Variants in RNF150 observed in about 807,000 individuals in gnomAD.
The protein encoded by RNF150 is ring finger protein 150.
In RNF150, 24 loss-of-function variants were observed where a neutral mutation model predicts 39.3. That is an observed-to-expected ratio of 0.61 (90% confidence interval 0.44 to 0.86). The LOEUF (loss-of-function observed/expected upper bound fraction) is 0.86, where lower values mean the gene tolerates loss of function less well. Ranked by LOEUF, RNF150 falls within the 40% of genes least tolerant of loss-of-function variation. The probability of loss-of-function intolerance (pLI) is 0.00; values close to 1 mark genes in which losing one functional copy is unlikely to be tolerated. For synonymous variants in RNF150, 255 were observed against 227.3 expected, an observed-to-expected ratio of 1.12 and a Z score of -1.10; for missense variants, 502 against 587.8, an observed-to-expected ratio of 0.85 and a Z score of 1.51.
intron 1 of RNF150, among the ~76,000 whole-genome samples, chr4:141,130,433 G>T (rs1578756431): frequency 6.6e-6 from 1 of 151,670 alleles, no homozygotes; most frequent in African/African-American, 2.4e-5. Flanking sequence ...TTCCTTTAAC[G>T]TTCAAACTAC....
chr4:140,928,441 A>G (rs1366464432), intron 4 of RNF150, among the ~76,000 whole-genome samples: 1 of 152,106 alleles, frequency 6.6e-6, no homozygotes, highest in Non-Finnish European at 1.5e-5. Flanking sequence ...GGGAGCAAGG[A>G]GAAGGGGGTG....
intron 6 of RNF150, among the ~76,000 whole-genome samples, chr4:140,873,548 G>A (rs1344541740): frequency 6.6e-6 from 1 of 152,166 alleles, no homozygotes; most frequent in South Asian, 2.1e-4. Flanking sequence ...AAGGAAAAGA[G>A]AGACTATAGT....
chr4:141,121,019 G>C (rs1201489866), intron 1 of RNF150, among the ~76,000 whole-genome samples: 1 of 152,158 alleles, frequency 6.6e-6, no homozygotes, highest in Non-Finnish European at 1.5e-5. Flanking sequence ...ATGGTGATAA[G>C]ATGCGATCAG....
intron 1 of RNF150, among the ~76,000 whole-genome samples, chr4:140,969,136 A>G (rs942172082): frequency 6.6e-6 from 1 of 152,232 alleles, no homozygotes; most frequent in African/African-American, 2.4e-5. Flanking sequence ...AGGCTGTTGC[A>G]AGTTTCTTAG....
intron 6 of RNF150, among the ~76,000 whole-genome samples, chr4:140,906,335 CAAATAA>C: frequency 6.6e-6 from 1 of 151,892 alleles, no homozygotes; most frequent in East Asian, 1.9e-4. Flanking sequence ...CAAAAATATA[CAAATAA>C]AAATAATATA....
At chr4:141,157,001 T>G (rs1313272231) in intron 1 of RNF150, among the ~76,000 whole-genome samples, 1 of 152,138 alleles carries the variant, frequency 6.6e-6, no homozygotes, top group Non-Finnish European at 1.5e-5. Context: ...GTGGTGAATA[T>G]GTAAGGATGC....
At chr4:141,148,832 CCTTT>C (rs1203265061) in intron 1 of RNF150, among the ~76,000 whole-genome samples, 1 of 152,158 alleles carries the variant, frequency 6.6e-6, no homozygotes, top group Non-Finnish European at 1.5e-5. Flanking sequence ...TTTTTGGTCT[CCTTT>C]CTTCTTCTAT....
At position 141,154,389 on chromosome 4, in the gene RNF150, C is replaced by T. The variant is rs890695389; in HGVS notation, c.-6+58405G>A. 3.3e-5 allele frequency among the ~76,000 whole-genome samples: 5 copies of T among 152,176 alleles called. No homozygotes were observed. In the East Asian group the frequency reaches 5.8e-4, roughly 18 times the overall value. On this transcript the variant is annotated intron_variant, in intron 1 of 7. Coordinates refer to the RNF150 transcript ENST00000420921. ...AAGAGGTCATTCTGTCCTTCCTTAG[C>T]GTGCCTGTGTGGCACAATGCTATTA...
chr4:140,926,117 G>T, intron 4 of RNF150, 44 bp from the exon 5 acceptor site: 1 of 1,400,712 alleles, frequency 7.1e-7, no homozygotes, highest in Non-Finnish European at 1.0e-6. Context: ...TAACTGCAGA[G>T]AATACCTGGT....
chr4:140,863,027 G>T lies in RNF150; in HGVS notation c.*5234C>A, dbSNP rs1056598106. On this transcript the variant is annotated 3_prime_UTR_variant, in exon 7 of 7. Coordinates refer to ENST00000515673, the MANE Select transcript of RNF150 (RefSeq NM_020724.2). ...TCGGTGGCCAAGAGCACTGCATGAA[G>T]AACCATGCATCCCCATCTTAAGAGG... 7 of 149,976 alleles carry T rather than the reference G, an allele frequency of 4.7e-5. No individual in the cohort carries two copies. The highest frequency in any genetic ancestry group is 1.7e-4 in the African/African-American group (7 of 40,690). 9.3% of individuals were successfully genotyped at this position (149,976 alleles called of 1,614,324 possible).
chr4:141,124,762 T>A (rs1188295517), intron 1 of RNF150, among the ~76,000 whole-genome samples: 1 of 152,186 alleles, frequency 6.6e-6, no homozygotes, highest in South Asian at 2.1e-4. Context: ...CAGACAGAAA[T>A]GGTTAAGAAA....
intron 6 of RNF150, among the ~76,000 whole-genome samples, chr4:140,892,841 G>A (rs9683834): frequency 0.026 from 3,918 of 152,154 alleles, 183 homozygotes; most frequent in African/African-American, 0.09. Flanking sequence ...CAGGAGGATC[G>A]CTTGAGGCCA....
chr4:140,975,525 C>A (rs867248772), intron 1 of RNF150, among the ~76,000 whole-genome samples: 1 of 152,074 alleles, frequency 6.6e-6, no homozygotes, highest in African/African-American at 2.4e-5. Context: ...ATAGAATCTT[C>A]CCTTAATATT....
intron 1 of RNF150, among the ~76,000 whole-genome samples, chr4:140,972,438 A>C (rs559767251): frequency 1.3e-5 from 2 of 152,320 alleles, no homozygotes; most frequent in African/African-American, 4.8e-5. Flanking sequence ...AATATTAGAA[A>C]ATATATTAGT....
chr4:140,971,731 G>A (rs1442311508), intron 1 of RNF150, among the ~76,000 whole-genome samples: 1 of 152,056 alleles, frequency 6.6e-6, no homozygotes, highest in Admixed American at 6.6e-5. Context: ...AGATTAATAA[G>A]GAATCAAAAC....
Position 140,911,359 on chromosome 4 carries a change from T to C in RNF150, c.988-5A>G. On this transcript the variant is annotated splice_region_variant and splice_polypyrimidine_tract_variant and intron_variant, in intron 5 of 6. Transcript: ENST00000515673. ...GTCCATGCAGTCGGCATTGGGCTGA[T>C]GGGGCAGAAAAAGATCTGTTCTCAG... 6.2e-7 allele frequency: 1 copy of C among 1,613,668 alleles called. No individual in the cohort carries two copies. Among genetic ancestry groups the C allele is most frequent in the South Asian group, 1.1e-5 (1 of 91,028 alleles).
At chr4:140,980,235 G>A (rs187163720) in intron 1 of RNF150, among the ~76,000 whole-genome samples, 1 of 151,892 alleles carries the variant, frequency 6.6e-6, no homozygotes, top group South Asian at 2.1e-4. Flanking sequence ...GGAAGATGGG[G>A]TTTCACTATG....
chr4:141,102,430 T>C (rs753041301), intron 1 of RNF150, among the ~76,000 whole-genome samples: 42 of 152,164 alleles, frequency 2.8e-4, no homozygotes, highest in Admixed American at 7.2e-4. Flanking sequence ...TCAGCACAAA[T>C]ACTCAAGAAG....
chr4:141,202,982 GATTT>G (rs1357285889), intron 1 of RNF150, among the ~76,000 whole-genome samples: 2 of 150,762 alleles, frequency 1.3e-5, no homozygotes, highest in Non-Finnish European at 3.0e-5. Flanking sequence ...AATGCTGAAA[GATTT>G]ATTTTCAATT....
Sources: gnomAD v4.1 joint callset for allele counts (sites outside exome capture counted in the v4.1 genomes callset) on GRCh38, gnomAD v4.1.1 for gene constraint, MANE v1.5 for transcripts, NCBI Gene and HGNC (gene_info 2026-07-23, HGNC 2026-07-21) for gene names.